Variants in BCAR1 observed in about 807,000 individuals in gnomAD.
BCAR1 encodes breast cancer anti-estrogen resistance protein 1.
A neutral mutation model predicts 67.6 loss-of-function variants in BCAR1; 30 were observed. That is an observed-to-expected ratio of 0.44 (90% CI 0.33 to 0.60). The LOEUF (loss-of-function observed/expected upper bound fraction) is 0.60, where lower values mean the gene tolerates loss of function less well. Ranked by LOEUF, BCAR1 falls within the 20% of genes least tolerant of loss-of-function variation. The probability of loss-of-function intolerance (pLI) is 0.02; values close to 1 mark genes in which losing one functional copy is unlikely to be tolerated. For missense variants in BCAR1, 1,313 were observed against 1,222.3 expected (o/e 1.07, Z -1.11); for synonymous variants, 626 against 556.7 (o/e 1.12, Z -1.75).
chr16:75,239,028 C>A (rs1162417449), intron 2 of BCAR1: 2 of 985,286 alleles, frequency 2.0e-6, no homozygotes, highest in Non-Finnish European at 2.4e-6. Context: ...TGGACCCAGG[C>A]CTGCCTCCCC....
At chr16:75,237,549 T>A (rs960783798) in intron 2 of BCAR1, 32 of 588,676 alleles carry the variant, frequency 5.4e-5, no homozygotes, top group Non-Finnish European at 7.8e-5. Flanking sequence ...CGGCAAGAAC[T>A]CTGGGTTTTA....
At chr16:75,255,730 G>A (rs1039059050), upstream of BCAR1, among the ~76,000 whole-genome samples, 9 of 151,490 alleles carry the variant, frequency 5.9e-5, no homozygotes, top group African/African-American at 1.9e-4. Context: ...AGTGGCTCAC[G>A]CCTGTAATCC....
rs535776036 is a variant in BCAR1, at chr16:75,261,073, G to T, written c.66+6842C>A. The stretch of plus-strand genomic sequence containing the variant: ...TGGAGAAGAGATTAACTTCAGAGCC[G>T]CGACTTGTGACCATCTCACCAGAGC... On this transcript the variant is annotated intron_variant, in intron 1 of 6. Coordinates refer to the BCAR1 transcript ENST00000393422. 8.5e-5 allele frequency among the ~76,000 whole-genome samples: 13 copies of T among 152,310 alleles called. 1 individual carries two copies. The South Asian group carries it at 1.5e-3, about 17-fold the overall frequency.
At chr16:75,259,946 C>T (rs1328688225) in intron 1 of BCAR1, among the ~76,000 whole-genome samples, 1 of 151,758 alleles carries the variant, frequency 6.6e-6, no homozygotes, top group East Asian at 1.9e-4. Context: ...GTAATCCTGG[C>T]ACTTTGGGAG....
intron 1 of BCAR1, 37 bp from the exon 2 acceptor site, chr16:75,243,127 T>C: frequency 1.3e-6 from 2 of 1,546,174 alleles, no homozygotes; most frequent in Non-Finnish European, 1.7e-6. Flanking sequence ...AACAGAAGGA[T>C]GTGCATGGGG....
chr16:75,230,965 A>G (rs1163909291), intron 6 of BCAR1, among the ~76,000 whole-genome samples: 1 of 151,344 alleles, frequency 6.6e-6, no homozygotes, highest in Non-Finnish European at 1.5e-5. Flanking sequence ...CAGGTGAATC[A>G]CTTGAGTCTG....
intron 1 of BCAR1, chr16:75,250,125 T>TAACG (rs1240888850): frequency 6.5e-6 from 1 of 152,860 alleles, no homozygotes; most frequent in African/African-American, 2.4e-5. Flanking sequence ...AGACAAACAG[T>TAACG]AACGGCCAGA....
chr16:75,241,081 C>T (rs1458732347), intron 2 of BCAR1, among the ~76,000 whole-genome samples: 2 of 152,230 alleles, frequency 1.3e-5, no homozygotes, highest in East Asian at 1.9e-4. Flanking sequence ...TGCATACGCA[C>T]ATACATTTGT....
At chr16:75,239,902 C>T (rs1349827321) in intron 2 of BCAR1, among the ~76,000 whole-genome samples, 1 of 152,228 alleles carries the variant, frequency 6.6e-6, no homozygotes, top group Admixed American at 6.5e-5. Flanking sequence ...CGCCTGACCT[C>T]ACGCCATGGC....
At chr16:75,231,096 ATCT>A (rs1421474689) in intron 6 of BCAR1, among the ~76,000 whole-genome samples, 5 of 148,944 alleles carry the variant, frequency 3.4e-5, no homozygotes, top group African/African-American at 1.2e-4. Context: ...ACCCAGGCTA[ATCT>A]TTTTTTTTTT....
chr16:75,239,113 TTAGAAAAA>T, intron 2 of BCAR1: 1 of 985,172 alleles, frequency 1.0e-6, no homozygotes, highest in Middle Eastern at 5.2e-4. Flanking sequence ...AATGTTTCTG[TTAGAAAAA>T]CAGAGCAACG....
At chr16:75,241,322 G>C (rs1446419067) in intron 2 of BCAR1, among the ~76,000 whole-genome samples, 2 of 152,180 alleles carry the variant, frequency 1.3e-5, no homozygotes, top group African/African-American at 2.4e-5. Context: ...GTGTGTTCGT[G>C]CATATGGTGT....
chr16:75,263,992 G>A (rs945553725), intron 1 of BCAR1: 1 of 1,189,800 alleles, frequency 8.4e-7, no homozygotes, highest in Admixed American at 4.3e-5. Context: ...AGATGGCAAA[G>A]ACCTCTGCCC....
chr16:75,251,018 T>A, intron 1 of BCAR1: 2 of 981,004 alleles, frequency 2.0e-6, no homozygotes, highest in Non-Finnish European at 2.4e-6. Context: ...CCGGCCTCGG[T>A]CCCCCGGAGC....
chr16:75,243,933 G>C (rs1486257566), intron 1 of BCAR1, among the ~76,000 whole-genome samples: 1 of 152,268 alleles, frequency 6.6e-6, no homozygotes, highest in East Asian at 1.9e-4. Context: ...CAGAGAGACA[G>C]AGGATCCCTG....
chr16:75,239,240 CG>C (rs1045476760), intron 2 of BCAR1, among the ~76,000 whole-genome samples: 3 of 152,268 alleles, frequency 2.0e-5, no homozygotes, highest in Non-Finnish European at 2.9e-5. Flanking sequence ...GGAGGTCCCC[CG>C]GGGGTTAGGG....
intron 2 of BCAR1, among the ~76,000 whole-genome samples, chr16:75,241,921 C>T (rs577647402): frequency 6.6e-6 from 1 of 152,194 alleles, no homozygotes; most frequent in East Asian, 1.9e-4. Flanking sequence ...GCTCTCAGGG[C>T]AGTCCTCCTC....
rs1012867239 is a variant in BCAR1, at chr16:75,235,651, A to G, written c.1248T>C (p.Ala416=). Residue 416 remains alanine (A), a synonymous_variant, in exon 5 of 7, where the codon GCT becomes GCC. Transcript: ENST00000162330. ...DSGVYAVPPP[A]EREAPAEGKR... Reference sequence around the variant, plus strand: ...TGCCCTCTGCCGGGGCTTCACGTTCAGCTGGGGGAGGCACCGCATACACAC... The same window carrying G: ...TGCCCTCTGCCGGGGCTTCACGTTCGGCTGGGGGAGGCACCGCATACACAC... 3.7e-6 allele frequency: 6 copies of G among 1,609,432 alleles called. No individual in the cohort carries two copies. The highest frequency in any genetic ancestry group is 1.7e-5 in the Admixed American group (1 of 59,786).
intron 2 of BCAR1, among the ~76,000 whole-genome samples, chr16:75,239,977 G>A (rs779166458): frequency 1.4e-4 from 22 of 152,180 alleles, no homozygotes; most frequent in Non-Finnish European, 2.9e-4. Flanking sequence ...TTCCCCCGGG[G>A]GTCCCATCTG....
Sources: allele counts gnomAD v4.1 joint callset (sites outside exome capture counted in the v4.1 genomes callset), GRCh38; gene constraint gnomAD v4.1.1; transcripts MANE v1.5; gene names NCBI Gene and HGNC (gene_info 2026-07-23, HGNC 2026-07-21).